Variants in MACROD2 observed in about 807,000 individuals in gnomAD.
MACROD2 encodes mono-ADP ribosylhydrolase 2.
MACROD2 carries 36 observed loss-of-function variants against 70.4 expected under a neutral mutation model. That is an observed-to-expected ratio of 0.51 (90% confidence interval 0.39 to 0.68). MACROD2 has a LOEUF of 0.68. MACROD2 is among the 30% of genes least tolerant of loss of function. The pLI is 0.00. For missense variants in MACROD2, 496 were observed against 538.4 expected, an observed-to-expected ratio of 0.92 and a Z score of 0.78; for synonymous variants, 172 against 178.8, an observed-to-expected ratio of 0.96 and a Z score of 0.30.
At chr20:15,911,763 G>GA (rs2065240983) in intron 10 of MACROD2, among the ~76,000 whole-genome samples, 1 of 152,222 alleles carries the variant, frequency 6.6e-6, no homozygotes, top group Admixed American at 6.5e-5. Flanking sequence ...CAGACATGTG[G>GA]AAAAGGATCC....
At chr20:14,670,903 G>A (rs1276809254) in intron 4 of MACROD2, among the ~76,000 whole-genome samples, 4 of 152,120 alleles carry the variant, frequency 2.6e-5, no homozygotes, top group African/African-American at 9.7e-5. Flanking sequence ...AGGCAGGAAG[G>A]TGGATGAGTA....
intron 6 of MACROD2, among the ~76,000 whole-genome samples, chr20:15,245,849 G>A (rs1244264113): frequency 6.6e-6 from 1 of 152,170 alleles, no homozygotes; most frequent in South Asian, 2.1e-4. Context: ...TCGGGATGTA[G>A]TTTTATCATA....
intron 8 of MACROD2, among the ~76,000 whole-genome samples, chr20:15,635,173 G>T (rs574658294): frequency 1.1e-3 from 162 of 152,316 alleles, no homozygotes; most frequent in African/African-American, 3.5e-3. Context: ...CCAGGTTTCT[G>T]TTTCCTGCAG....
At chr20:15,360,489 A>G (rs1383993401) in intron 6 of MACROD2, among the ~76,000 whole-genome samples, 8 of 152,176 alleles carry the variant, frequency 5.3e-5, no homozygotes, top group Non-Finnish European at 1.5e-5. Flanking sequence ...ACTATATTAT[A>G]CTATACTTAA....
intron 5 of MACROD2, among the ~76,000 whole-genome samples, chr20:14,910,273 G>C (rs2074010978): frequency 6.6e-6 from 1 of 152,114 alleles, no homozygotes. Flanking sequence ...CATTAATATA[G>C]AGCCCAGACT....
chr20:14,407,535 C>T (rs967943339), intron 3 of MACROD2, among the ~76,000 whole-genome samples: 34 of 152,048 alleles, frequency 2.2e-4, no homozygotes, highest in African/African-American at 7.7e-4. Context: ...CATTAGGTTT[C>T]GATGTGTCAT....
rs540774650 is a variant in MACROD2 at position 14,848,467 on chromosome 20, G to A, written c.418+163508G>A. ...TTGCTCTTTTTTTTTCTTTGAGTAT[G>A]CTGTTTTTATTTAATTCTCACAATA... On this transcript the variant is annotated intron_variant, in intron 5 of 17. Transcript: ENST00000684519. 2.0e-5 allele frequency among the ~76,000 whole-genome samples: 3 copies of A among 152,052 alleles called. No homozygotes were observed. In the South Asian group the frequency reaches 6.2e-4, roughly 32 times the overall value.
At chr20:14,819,706 A>C (rs1165826284) in intron 5 of MACROD2, among the ~76,000 whole-genome samples, 1 of 152,066 alleles carries the variant, frequency 6.6e-6, no homozygotes, top group Non-Finnish European at 1.5e-5. Flanking sequence ...TTTTAAGCTG[A>C]AAGTTAAAAG....
chr20:15,924,994 A>G (rs1235107351), intron 10 of MACROD2, among the ~76,000 whole-genome samples: 1 of 152,208 alleles, frequency 6.6e-6, no homozygotes, highest in African/African-American at 2.4e-5. Flanking sequence ...CTGTTTTATC[A>G]GAGAGAGTGA....
At chr20:15,328,207 C>T (rs2146185400) in intron 6 of MACROD2, among the ~76,000 whole-genome samples, 1 of 151,840 alleles carries the variant, frequency 6.6e-6, no homozygotes, top group South Asian at 2.1e-4. Context: ...CAAGCAGATA[C>T]CTGTGGCAAG....
intron 4 of MACROD2, among the ~76,000 whole-genome samples, chr20:14,666,008 T>A (rs182185752): frequency 2.6e-5 from 4 of 152,260 alleles, no homozygotes; most frequent in Admixed American, 6.6e-5. Context: ...CTGCCCTTTT[T>A]AAATATGCTT....
At chr20:14,049,517 G>T (rs978703642) in intron 2 of MACROD2, among the ~76,000 whole-genome samples, 4 of 151,128 alleles carry the variant, frequency 2.6e-5, no homozygotes, top group Admixed American at 2.0e-4. Flanking sequence ...GAGGTGGACA[G>T]ATCACCTGAG....
chr20:15,387,738 ATTT>A (rs11304564), intron 6 of MACROD2, among the ~76,000 whole-genome samples: 95 of 130,310 alleles, frequency 7.3e-4, no homozygotes, highest in African/African-American at 2.0e-3. Flanking sequence ...AAACTCAGGG[ATTT>A]TTTTTTTTTT....
intron 5 of MACROD2, among the ~76,000 whole-genome samples, chr20:15,220,970 G>A (rs2076855507): frequency 6.6e-6 from 1 of 152,128 alleles, no homozygotes; most frequent in South Asian, 2.1e-4. Flanking sequence ...TGGTGGCACG[G>A]GAGTGGTAAA....
intron 5 of MACROD2, among the ~76,000 whole-genome samples, chr20:15,209,660 G>C (rs940763309): frequency 6.6e-6 from 1 of 152,170 alleles, no homozygotes; most frequent in Non-Finnish European, 1.5e-5. Flanking sequence ...AACCTTCCCA[G>C]CATTTCTTAA....
intron 4 of MACROD2, among the ~76,000 whole-genome samples, chr20:14,579,329 G>T (rs1980850877): frequency 6.6e-6 from 1 of 150,818 alleles, no homozygotes; most frequent in African/African-American, 2.4e-5. Context: ...TTTTAGTAGA[G>T]ACGGGGTTTC....
intron 5 of MACROD2, among the ~76,000 whole-genome samples, chr20:15,205,560 AAGTTT>A: frequency 6.6e-6 from 1 of 152,186 alleles, no homozygotes; most frequent in South Asian, 2.1e-4. Flanking sequence ...GCTAAATACT[AAGTTT>A]CTGTTACTTC....
chr20:14,860,972 T>A (rs2073309614), intron 5 of MACROD2, among the ~76,000 whole-genome samples: 2 of 151,632 alleles, frequency 1.3e-5, no homozygotes, highest in African/African-American at 4.8e-5. Flanking sequence ...AAAAAAAAAA[T>A]TGCTTTGTTT....
chr20:14,992,097 C>G (rs891549564), intron 5 of MACROD2, among the ~76,000 whole-genome samples: 14 of 152,200 alleles, frequency 9.2e-5, no homozygotes, highest in Middle Eastern at 3.4e-3. Flanking sequence ...ATATGGCAAC[C>G]ATTTTTTAAG....
Sources: allele counts gnomAD v4.1 joint callset (sites outside exome capture counted in the v4.1 genomes callset), GRCh38; gene constraint gnomAD v4.1.1; transcripts MANE v1.5; gene names NCBI Gene and HGNC (gene_info 2026-07-23, HGNC 2026-07-21).